Variants in IQCM observed in about 807,000 individuals in gnomAD.
The protein encoded by IQCM is IQ domain-containing protein M.
A neutral mutation model predicts 57.6 loss-of-function variants in IQCM; 45 were observed. The ratio of observed to expected loss-of-function variants is 0.78; its 90% confidence interval spans 0.62 to 1.00. The LOEUF is 1.00. Ranked by LOEUF, IQCM falls within the 50% of genes least tolerant of loss-of-function variation. The pLI, the probability that IQCM is intolerant of heterozygous loss-of-function variation, is 0.00. For synonymous variants in IQCM, 148 were observed against 158.9 expected (o/e 0.93, Z 0.51); for missense variants, 468 against 511.6 (o/e 0.91, Z 0.82).
intron 13 of IQCM, among the ~76,000 whole-genome samples, chr4:149,386,906 T>A (rs1389979216): frequency 2.6e-5 from 4 of 152,054 alleles, no homozygotes; most frequent in Non-Finnish European, 4.4e-5. Flanking sequence ...ATTTAATATC[T>A]TTTTGTATCT....
At chr4:149,420,996 GACCAGCACAAATGTTCAGTAGTGCCAA>G (rs1436614443) in intron 13 of IQCM, among the ~76,000 whole-genome samples, 78 of 40,558 alleles carry the variant, frequency 1.9e-3, no homozygotes, top group Admixed American at 6.9e-3. Flanking sequence ...GCATAATTAT[GACCAGCACAAATGTTCAGTAGTGCCAA>G]TAATTATGAC....
intron 12 of IQCM, among the ~76,000 whole-genome samples, chr4:149,476,950 T>C (rs1307122569): frequency 6.6e-6 from 1 of 152,104 alleles, no homozygotes. Context: ...GGAAATCACA[T>C]TGAAAAGAGC....
At chr4:149,791,805 C>T (rs553565224) in intron 2 of IQCM, among the ~76,000 whole-genome samples, 1 of 151,918 alleles carries the variant, frequency 6.6e-6, no homozygotes, top group Non-Finnish European at 1.5e-5. Context: ...TTCAGAATCC[C>T]GTATGATCAA....
chr4:149,669,885 T>C (rs1374820953), intron 7 of IQCM, among the ~76,000 whole-genome samples: 1 of 152,216 alleles, frequency 6.6e-6, no homozygotes, highest in African/African-American at 2.4e-5. Context: ...TGCAGCCTTA[T>C]AGTATAGTTA....
chr4:149,415,131 C>T (rs967127402), intron 13 of IQCM, among the ~76,000 whole-genome samples: 1 of 152,078 alleles, frequency 6.6e-6, no homozygotes, highest in African/African-American at 2.4e-5. Flanking sequence ...GATTAAAATG[C>T]CATCATGTCA....
intron 7 of IQCM, among the ~76,000 whole-genome samples, chr4:149,664,078 G>T (rs1760470251): frequency 6.6e-6 from 1 of 152,062 alleles, no homozygotes; most frequent in Admixed American, 6.6e-5. Context: ...TTAGTCTGTT[G>T]TTGAAGCCCT....
At chr4:149,669,837 T>A (rs4835592) in intron 7 of IQCM, among the ~76,000 whole-genome samples, 30,426 of 152,102 alleles carry the variant, frequency 0.2, 3,490 homozygotes, top group South Asian at 0.34. Flanking sequence ...TTGGTCTATA[T>A]CTCTGTTTTG....
intron 12 of IQCM, among the ~76,000 whole-genome samples, chr4:149,441,233 T>C (rs571584764): frequency 1.2e-3 from 185 of 152,264 alleles, no homozygotes; most frequent in Middle Eastern, 6.8e-3. Context: ...TAAAAGAGAC[T>C]GTCTAGAGTT....
At chr4:149,352,772 T>C (rs1002710397) in intron 13 of IQCM, among the ~76,000 whole-genome samples, 5 of 152,182 alleles carry the variant, frequency 3.3e-5, no homozygotes, top group African/African-American at 1.2e-4. Context: ...TAAACCACTA[T>C]TCATATAGAT....
In IQCM at chr4:149,814,175, C is replaced by T. The variant is rs1505480; in HGVS notation, c.-49+1136G>A. Among the ~76,000 whole-genome samples, 1,201 of 152,032 alleles carry T rather than the reference C, an allele frequency of 7.9e-3. 13 individuals carry two copies. The highest frequency in any genetic ancestry group is 0.025 in the African/African-American group (1,051 of 41,514). ...TTGCAATAAAAACTTTGGCACACTA[C>T]CTAAACTTCTAAAATACAGAGAATT... On this transcript the variant is annotated intron_variant, in intron 2 of 13. Coordinates refer to ENST00000636793, the MANE Select transcript of IQCM (RefSeq NM_001363507.2).
At chr4:149,592,161 A>C (rs944714471) in intron 8 of IQCM, among the ~76,000 whole-genome samples, 1 of 152,030 alleles carries the variant, frequency 6.6e-6, no homozygotes, top group Non-Finnish European at 1.5e-5. Context: ...CTGGTGTCAG[A>C]TGGTATCTCA....
intron 2 of IQCM, among the ~76,000 whole-genome samples, chr4:149,758,253 G>T (rs1286188233): frequency 1.3e-5 from 2 of 152,098 alleles, no homozygotes; most frequent in African/African-American, 4.8e-5. Flanking sequence ...TCAACAAATG[G>T]TATGGAACAA....
At chr4:149,726,752 A>G (rs2149872297) in intron 5 of IQCM, among the ~76,000 whole-genome samples, 1 of 152,264 alleles carries the variant, frequency 6.6e-6, no homozygotes, top group East Asian at 1.9e-4. Context: ...TGAAAAATAT[A>G]TAATATCTCA....
chr4:149,679,168 C>T (rs1166810566), intron 7 of IQCM, among the ~76,000 whole-genome samples: 1 of 151,560 alleles, frequency 6.6e-6, no homozygotes, highest in Non-Finnish European at 1.5e-5. Context: ...AAATGTGACA[C>T]ATATTATGCA....
chr4:149,811,533 G>T (rs1774564588), intron 2 of IQCM, among the ~76,000 whole-genome samples: 1 of 152,112 alleles, frequency 6.6e-6, no homozygotes, highest in Admixed American at 6.6e-5. Flanking sequence ...ATAGTGAATG[G>T]ACTGATCCAC....
intron 8 of IQCM, among the ~76,000 whole-genome samples, chr4:149,608,217 A>G (rs1235385662): frequency 6.6e-6 from 1 of 151,966 alleles, no homozygotes; most frequent in Admixed American, 6.6e-5. Context: ...AGAATATAAC[A>G]ATTTCCAAAT....
At chr4:149,700,665 C>T (rs536701194) in intron 5 of IQCM, among the ~76,000 whole-genome samples, 97 of 152,088 alleles carry the variant, frequency 6.4e-4, no homozygotes, top group African/African-American at 2.2e-3. Flanking sequence ...GGAGCATGGG[C>T]ATTTGAGTCA....
At chr4:149,581,272 T>TAC (rs1752153691) in intron 9 of IQCM, among the ~76,000 whole-genome samples, 1 of 150,978 alleles carries the variant, frequency 6.6e-6, no homozygotes, top group African/African-American at 2.4e-5. Context: ...CATATATATA[T>TAC]ATATACATAC....
rs28495105 is a variant in IQCM, at chr4:149,459,187, C to A, written c.1229-25630G>T. ...ATAAATATAAAATAATTGTTCTCTTCTTTAAATGAGATAAAAACAAAACAC... is the reference window on the plus strand; with the variant it reads ...ATAAATATAAAATAATTGTTCTCTTATTTAAATGAGATAAAAACAAAACAC... On this transcript the variant is annotated intron_variant, in intron 12 of 13. Transcript: ENST00000636793. Among the ~76,000 whole-genome samples, 879 of 152,304 alleles carry A rather than the reference C, an allele frequency of 5.8e-3. 9 individuals are homozygous for A. The highest frequency in any genetic ancestry group is 0.02 in the African/African-American group (837 of 41,574).
Sources: gnomAD v4.1 joint callset for allele counts (sites outside exome capture counted in the v4.1 genomes callset) on GRCh38, gnomAD v4.1.1 for gene constraint, MANE v1.5 for transcripts, NCBI Gene and HGNC (gene_info 2026-07-23, HGNC 2026-07-21) for gene names.